CLEC16A: variants seen among roughly 807,000 people sequenced by gnomAD.
CLEC16A encodes protein CLEC16A.
CLEC16A carries 51 observed loss-of-function variants against 109.5 expected under a neutral mutation model. That is an observed-to-expected ratio of 0.47 (90% confidence interval 0.37 to 0.59). CLEC16A has a LOEUF of 0.59. Among genes scored for constraint, CLEC16A ranks in the 20% least tolerant of loss-of-function variants. CLEC16A has a pLI of 0.00. For synonymous variants in CLEC16A, 673 were observed against 564.2 expected (o/e 1.19, Z -2.73); for missense variants, 1,339 against 1,394.0 (o/e 0.96, Z 0.63).
At chr16:11,009,737 G>A (rs1346666112) in intron 11 of CLEC16A, among the ~76,000 whole-genome samples, 1 of 152,190 alleles carries the variant, frequency 6.6e-6, no homozygotes, top group Non-Finnish European at 1.5e-5. Flanking sequence ...CAGTAGCCTG[G>A]GGCAGAGACT....
At position 11,149,161 on chromosome 16, in the gene CLEC16A, G is replaced by A. The variant is rs1278121828; in HGVS notation, c.2642-17227G>A. 3.9e-5 allele frequency among the ~76,000 whole-genome samples: 6 copies of A among 152,148 alleles called. 1 individual carries two copies. In the South Asian group the frequency reaches 8.3e-4, roughly 21 times the overall value. On this transcript the variant is annotated intron_variant, in intron 22 of 23. Transcript: ENST00000409790. ...ACAGCCAGGGAGGTGTGGGGCTGTCGGAGCACAAGTCACCAGTGGTGGTGA... is the reference window on the plus strand; with the variant it reads ...ACAGCCAGGGAGGTGTGGGGCTGTCAGAGCACAAGTCACCAGTGGTGGTGA...
intron 19 of CLEC16A, among the ~76,000 whole-genome samples, chr16:11,098,330 A>G (rs556450088): frequency 2.8e-4 from 43 of 152,242 alleles, no homozygotes; most frequent in African/African-American, 1.0e-3. Flanking sequence ...GTGCCTGTGC[A>G]CGCCGAGGAT....
chr16:11,172,840 G>A (rs1313793994), intron 23 of CLEC16A, among the ~76,000 whole-genome samples: 1 of 152,212 alleles, frequency 6.6e-6, no homozygotes, highest in African/African-American at 2.4e-5. Context: ...AGTGAGCCGA[G>A]ATCATGCCAC....
At chr16:11,021,950 C>CA (rs1231341616) in intron 12 of CLEC16A, among the ~76,000 whole-genome samples, 1 of 151,724 alleles carries the variant, frequency 6.6e-6, no homozygotes, top group Non-Finnish European at 1.5e-5. Flanking sequence ...CTCCCGCCAC[C>CA]AAAAAAAGGG....
At chr16:11,020,982 C>T (rs1985372) in intron 12 of CLEC16A, among the ~76,000 whole-genome samples, 68,103 of 152,016 alleles carry the variant, frequency 0.45, 15,639 homozygotes, top group African/African-American at 0.54. Flanking sequence ...TATTTCCTTA[C>T]CTCGCAGCCC....
chr16:11,129,348 A>G (rs936593525), intron 22 of CLEC16A, among the ~76,000 whole-genome samples: 1 of 152,144 alleles, frequency 6.6e-6, no homozygotes, highest in African/African-American at 2.4e-5. Context: ...TGTTTTCCAA[A>G]ACATAGAAAA....
At chr16:10,966,979 A>G (rs955229198) in intron 3 of CLEC16A, among the ~76,000 whole-genome samples, 3 of 152,190 alleles carry the variant, frequency 2.0e-5, no homozygotes, top group Non-Finnish European at 4.4e-5. Context: ...CTTTAAAAAC[A>G]TTAAGATTCC....
intron 22 of CLEC16A, among the ~76,000 whole-genome samples, chr16:11,158,741 G>C (rs2054618507): frequency 6.6e-6 from 1 of 152,120 alleles, no homozygotes; most frequent in Non-Finnish European, 1.5e-5. Context: ...TGCCCAACTT[G>C]GTGACCCATC....
chr16:11,113,183 T>C (rs2051720026), intron 19 of CLEC16A, among the ~76,000 whole-genome samples: 1 of 152,220 alleles, frequency 6.6e-6, no homozygotes, highest in Non-Finnish European at 1.5e-5. Context: ...TTCTCAGTGA[T>C]TGTCTATCAT....
In CLEC16A at chr16:10,982,858, G is replaced by A. The variant is rs199608793; in HGVS notation, c.958-20G>A. On this transcript the variant is annotated intron_variant, in intron 9 of 23. Coordinates refer to ENST00000409790, the MANE Select transcript of CLEC16A (RefSeq NM_015226.3). ...TACCGCACACTTTCATGCAAATCCC[G>A]TTTCTTTTTTTTCCGCCAGGTCTTC... is the stretch of plus-strand genomic sequence containing the variant. The A allele has an allele frequency of 3.0e-5, 43 of 1,421,200 alleles. No homozygotes were observed. Among genetic ancestry groups the A allele is most frequent in the African/African-American group, 1.5e-4 (11 of 71,016 alleles). The allele number at this position is 1,421,200 out of a possible 1,614,324, so 88.0% of individuals were successfully genotyped here.
At chr16:11,088,294 C>A (rs1002256012) in intron 19 of CLEC16A, among the ~76,000 whole-genome samples, 20 of 152,354 alleles carry the variant, frequency 1.3e-4, no homozygotes, top group African/African-American at 4.6e-4. Flanking sequence ...CCAGCCCAAG[C>A]ATCCACAGCT....
intron 19 of CLEC16A, among the ~76,000 whole-genome samples, chr16:11,101,977 T>C (rs2050944055): frequency 9.7e-6 from 1 of 102,812 alleles, no homozygotes. Context: ...TAATTTTTGC[T>C]TTTTTTTTTT....
At chr16:10,986,837 A>AT (rs529330056) in intron 10 of CLEC16A, among the ~76,000 whole-genome samples, 174 of 126,420 alleles carry the variant, frequency 1.4e-3, no homozygotes, top group Admixed American at 5.5e-3. Context: ...AGTTTTTTTG[A>AT]TTTTTTTTTT....
At chr16:11,090,253 G>A (rs1380168205) in intron 19 of CLEC16A, among the ~76,000 whole-genome samples, 2 of 152,076 alleles carry the variant, frequency 1.3e-5, no homozygotes, top group East Asian at 1.9e-4. Context: ...ACAGGGACTC[G>A]CTATGTTGCC....
intron 10 of CLEC16A, among the ~76,000 whole-genome samples, chr16:10,983,769 A>G (rs1211003768): frequency 6.6e-6 from 1 of 152,054 alleles, no homozygotes; most frequent in Non-Finnish European, 1.5e-5. Context: ...TTCCCCCAGC[A>G]TGTCCAGCAT....
chr16:10,979,420 G>T, intron 9 of CLEC16A, 38 bp downstream of exon 9: 1 of 1,589,054 alleles, frequency 6.3e-7, no homozygotes. Flanking sequence ...CACTACATTT[G>T]GGGTCCCTTG....
Position 11,060,890 on chromosome 16 carries a change from C to A in CLEC16A, c.1996-12C>A. The A allele has an allele frequency of 6.2e-7, 1 of 1,602,156 alleles. No homozygotes were observed. The highest frequency in any genetic ancestry group is 8.5e-7 in the Non-Finnish European group (1 of 1,173,626). ...ATCTCACTCTTCTCTGCTCTCTGAA[C>A]TGTTGGTCCAGGCCATCCGGGTGTT... On this transcript the variant is annotated splice_polypyrimidine_tract_variant and intron_variant, in intron 18 of 23. Coordinates refer to ENST00000409790, the MANE Select transcript of CLEC16A (RefSeq NM_015226.3).
At chr16:11,129,344 C>G (rs549646012) in intron 22 of CLEC16A, among the ~76,000 whole-genome samples, 153 of 152,246 alleles carry the variant, frequency 1.0e-3, no homozygotes, top group African/African-American at 3.4e-3. Flanking sequence ...ACTCTGTTTT[C>G]CAAAACATAG....
intron 19 of CLEC16A, among the ~76,000 whole-genome samples, chr16:11,093,076 AC>A (rs1219486553): frequency 6.6e-6 from 1 of 151,810 alleles, no homozygotes; most frequent in Non-Finnish European, 1.5e-5. Flanking sequence ...CTCCTCCTGT[AC>A]CCCCCACCAC....
Sources: gnomAD v4.1 joint callset for allele counts (sites outside exome capture counted in the v4.1 genomes callset) on GRCh38, gnomAD v4.1.1 for gene constraint, MANE v1.5 for transcripts, NCBI Gene and HGNC (gene_info 2026-07-23, HGNC 2026-07-21) for gene names.